Variants in SESN3 observed in about 807,000 individuals in gnomAD.
SESN3 encodes sestrin-3.
A neutral mutation model predicts 55.3 loss-of-function variants in SESN3; 21 were observed. The observed-to-expected ratio is 0.38, with a 90% CI of 0.27 to 0.55. The LOEUF (loss-of-function observed/expected upper bound fraction) is 0.55, where lower values mean the gene tolerates loss of function less well. Ranked by LOEUF, SESN3 falls within the 20% of genes least tolerant of loss-of-function variation. SESN3 has a pLI of 0.76. For missense variants in SESN3, 408 were observed against 604.3 expected (o/e 0.68, Z 3.41); for synonymous variants, 181 against 203.1 (o/e 0.89, Z 0.93).
intron 1 of SESN3, among the ~76,000 whole-genome samples, chr11:95,196,170 T>C (rs1483556378): frequency 3.9e-5 from 6 of 152,236 alleles, no homozygotes; most frequent in Non-Finnish European, 8.8e-5. Context: ...TCTTCAATTA[T>C]ATTTTTTAAT....
At chr11:95,228,726 G>A (rs1860993278) in intron 1 of SESN3, among the ~76,000 whole-genome samples, 1 of 152,162 alleles carries the variant, frequency 6.6e-6, no homozygotes, top group Admixed American at 6.5e-5. Flanking sequence ...TCATGCCACT[G>A]CATGAATCAA....
chr11:95,185,516 G>A (rs1052209609), intron 4 of SESN3, 24 bp from the exon 5 acceptor site: 2 of 1,455,974 alleles, frequency 1.4e-6, no homozygotes, highest in African/African-American at 2.8e-5. Context: ...GCAAATCAGA[G>A]CAAATATAAA....
rs759405957 is a variant in SESN3, at chr11:95,184,291, T to C, written c.937+129A>G. ...GGAAAGCAATAGCATGAGGGTAAGA[T>C]AGAAGAGGAGAACTAAATAAGAGAA... On this transcript the variant is annotated intron_variant, in intron 6 of 9. Transcript: ENST00000536441. 1.2e-4 allele frequency: 91 copies of C among 731,970 alleles called. 1 individual carries two copies. The highest frequency in any genetic ancestry group is 3.3e-4 in the Middle Eastern group (1 of 3,030). The allele number at this position is 731,970 out of a possible 1,614,324, so 45.3% of individuals were successfully genotyped here. A position where few individuals can be genotyped will look rare whatever the true frequency, so the allele number is the denominator to read the frequency against.
rs538865358 is a variant in SESN3 at position 95,168,466 on chromosome 11, T to C, written c.*4789A>G. 3.4e-4 allele frequency: 52 copies of C among 152,356 alleles called. No homozygotes were observed. Among genetic ancestry groups the C allele is most frequent in the Admixed American group, 2.5e-3 (38 of 15,304 alleles). 9.4% of individuals were successfully genotyped at this position (152,356 alleles called of 1,614,324 possible). On this transcript the variant is annotated 3_prime_UTR_variant, in exon 10 of 10. Transcript: ENST00000536441. ...TAGAAGGCAAAAATCTTTTATGATT[T>C]ATTTAAAATATGGAAGTTGTATTAC...
intron 9 of SESN3, among the ~76,000 whole-genome samples, chr11:95,174,633 A>G (rs608723): frequency 0.98 from 149,517 of 152,032 alleles, 73,569 homozygotes; most frequent in South Asian, 1. Flanking sequence ...ACAGGCATGC[A>G]CAACCATGCC....
At chr11:95,178,556 T>C (rs1031780879) in intron 7 of SESN3, among the ~76,000 whole-genome samples, 154 bp downstream of exon 7, 6 of 152,226 alleles carry the variant, frequency 3.9e-5, no homozygotes, top group African/African-American at 1.4e-4. Flanking sequence ...ATCCATCTAT[T>C]GGGAACTCCA....
intron 1 of SESN3, among the ~76,000 whole-genome samples, chr11:95,197,421 T>C (rs1288542734): frequency 6.6e-6 from 1 of 151,342 alleles, no homozygotes. Flanking sequence ...GCAACTCTCT[T>C]CTTTTTGGGC....
chr11:95,213,161 T>C (rs1860690392), intron 1 of SESN3, among the ~76,000 whole-genome samples: 1 of 152,130 alleles, frequency 6.6e-6, no homozygotes, highest in Non-Finnish European at 1.5e-5. Flanking sequence ...AAAAAAACCT[T>C]GGTCTTTTCC....
intron 9 of SESN3, 33 bp downstream of exon 9, chr11:95,175,465 C>T (rs959429699): frequency 1.9e-6 from 3 of 1,576,780 alleles, no homozygotes; most frequent in Non-Finnish European, 8.7e-7. Context: ...GAAGAACTGT[C>T]TATGGTATAA....
chr11:95,210,481 C>T (rs986589386), intron 1 of SESN3, among the ~76,000 whole-genome samples: 20 of 152,122 alleles, frequency 1.3e-4, no homozygotes, highest in African/African-American at 4.3e-4. Context: ...TGAAATAAGA[C>T]GTAACAATGT....
At chr11:95,212,906 T>A (rs1256812134) in intron 1 of SESN3, among the ~76,000 whole-genome samples, 2 of 152,194 alleles carry the variant, frequency 1.3e-5, no homozygotes, top group African/African-American at 4.8e-5. Flanking sequence ...GCCATCTCAT[T>A]TGAATCTGCT....
chr11:95,173,041 A>C lies in SESN3; in HGVS notation c.*214T>G. 1 of 446,774 alleles carries C rather than the reference A, an allele frequency of 2.2e-6. No homozygotes were observed. Among genetic ancestry groups the C allele is most frequent in the Non-Finnish European group, 4.1e-6 (1 of 244,702 alleles). 27.7% of individuals were successfully genotyped at this position (446,774 alleles called of 1,614,324 possible). On this transcript the variant is annotated 3_prime_UTR_variant, in exon 10 of 10. Transcript: ENST00000536441. The stretch of plus-strand genomic sequence containing the variant: ...ACAATGCAAAGTAGTGCTCCTCAGT[A>C]TTATTTTTGCAATTGTTAGTAATGT...
At chr11:95,224,836 A>G (rs529399638) in intron 1 of SESN3, among the ~76,000 whole-genome samples, 1 of 152,332 alleles carries the variant, frequency 6.6e-6, no homozygotes, top group African/African-American at 2.4e-5. Context: ...CTGAGTAACC[A>G]AAGTTTGTCT....
intron 6 of SESN3, among the ~76,000 whole-genome samples, chr11:95,181,558 A>G (rs1485096117): frequency 1.3e-5 from 2 of 152,140 alleles, no homozygotes; most frequent in African/African-American, 4.8e-5. Context: ...TTCTGCCCCT[A>G]AGAAGTAGTT....
chr11:95,182,305 A>G (rs1860072029), intron 6 of SESN3: 1 of 184,926 alleles, frequency 5.4e-6, no homozygotes, highest in South Asian at 8.6e-5. Flanking sequence ...ACATTAGTTT[A>G]CCTAGAAGGT....
intron 1 of SESN3, among the ~76,000 whole-genome samples, chr11:95,211,950 C>T (rs1860663330): frequency 6.6e-6 from 1 of 152,088 alleles, no homozygotes; most frequent in Non-Finnish European, 1.5e-5. Context: ...TTTTGTTCAA[C>T]AAATGACCCA....
At position 95,185,228 on chromosome 11, in the gene SESN3, G is replaced by C. The variant is rs376999008; in HGVS notation, c.762+28C>G. ...ATATTAGAAGTTTAAAGCAAAAATAGTAAAGAAAAATAGCTAAGAAAACTA... is the reference window on the plus strand; with the variant it reads ...ATATTAGAAGTTTAAAGCAAAAATACTAAAGAAAAATAGCTAAGAAAACTA... On this transcript the variant is annotated intron_variant, in intron 5 of 9. Transcript: ENST00000536441. The C allele has an allele frequency of 9.5e-6, 13 of 1,372,450 alleles. No homozygotes were observed. In the African/African-American group the frequency reaches 1.7e-4, roughly 18 times the overall value. 85.0% of individuals were successfully genotyped at this position (1,372,450 alleles called of 1,614,324 possible).
intron 4 of SESN3, among the ~76,000 whole-genome samples, chr11:95,187,050 A>G (rs1860181923): frequency 6.6e-6 from 1 of 151,852 alleles, no homozygotes; most frequent in East Asian, 1.9e-4. Context: ...TTCATTTTTC[A>G]TTAGGCCACA....
chr11:95,183,295 A>C (rs2134225206), intron 6 of SESN3, among the ~76,000 whole-genome samples: 1 of 152,248 alleles, frequency 6.6e-6, no homozygotes, highest in Non-Finnish European at 1.5e-5. Flanking sequence ...CAATGGATTA[A>C]ATTAATTGAA....
Sources: gnomAD v4.1 joint callset for allele counts (sites outside exome capture counted in the v4.1 genomes callset) on GRCh38, gnomAD v4.1.1 for gene constraint, MANE v1.5 for transcripts, NCBI Gene and HGNC (gene_info 2026-07-23, HGNC 2026-07-21) for gene names.